LRP8: variants seen among roughly 807,000 people sequenced by gnomAD.
LRP8 encodes LDL receptor related protein 8, also known as low-density lipoprotein receptor-related protein 8.
A neutral mutation model predicts 111.6 loss-of-function variants in LRP8; 46 were observed. That is an observed-to-expected ratio of 0.41 (90% confidence interval 0.33 to 0.53). The LOEUF (loss-of-function observed/expected upper bound fraction) is 0.53, where lower values mean the gene tolerates loss of function less well. LRP8 is among the 20% of genes least tolerant of loss of function. LRP8 has a pLI of 0.20. For missense variants in LRP8, 959 were observed against 1,297.4 expected (o/e 0.74, Z 4.01); for synonymous variants, 464 against 511.2 (o/e 0.91, Z 1.24).
rs149139973 is a variant in LRP8, at chr1:53,325,755, C to T, written c.244+1118G>A. Among the ~76,000 whole-genome samples, 10 of 152,340 alleles carry T rather than the reference C, an allele frequency of 6.6e-5. No homozygotes were observed. The East Asian group carries it at 1.2e-3, about 18-fold the overall frequency. ...TGGGGCTGTGGGCCTGTCCACCTGT[C>T]GCCCTCCTCCCTCAGACCCCGTCAG... On this transcript the variant is annotated intron_variant, in intron 2 of 18. Transcript: ENST00000306052.
In LRP8 at chr1:53,250,416, C is replaced by T. The variant is rs1434768975; in HGVS notation, c.2676+274G>A. ...CACCTACCCCAGCATTTCTGTGTTC[C>T]CCAGGGCCTAGAACAGTGCCTGATA... On this transcript the variant is annotated intron_variant, in intron 17 of 18. Coordinates refer to ENST00000306052, the MANE Select transcript of LRP8 (RefSeq NM_004631.5). The surrounding 1 kb of genome is among the most constrained non-coding windows in gnomAD (Gnocchi z 4.6). 6.6e-6 allele frequency among the ~76,000 whole-genome samples: 1 copy of T among 152,036 alleles called. No homozygotes were observed. The highest frequency in any genetic ancestry group is 6.5e-5 in the Admixed American group (1 of 15,272).
intron 2 of LRP8, among the ~76,000 whole-genome samples, chr1:53,325,199 G>A (rs1010211800): frequency 1.3e-5 from 2 of 152,214 alleles, no homozygotes; most frequent in African/African-American, 4.8e-5. Flanking sequence ...ACTGGGAAAT[G>A]GTCCAGGGTC....
At chr1:53,326,663 G>A (rs3737980) in intron 2 of LRP8, among the ~76,000 whole-genome samples, 4,270 of 152,234 alleles carry the variant, frequency 0.028, 192 homozygotes, top group African/African-American at 0.092. Flanking sequence ...GCCCCACCAG[G>A]ACACGCCAGC....
intron 1 of LRP8, 81 bp downstream of exon 1, chr1:53,327,708 C>T: frequency 7.4e-7 from 1 of 1,355,792 alleles, no homozygotes; most frequent in Non-Finnish European, 9.6e-7. Flanking sequence ...GTTCTGGACC[C>T]CTCCCCGCTC....
At chr1:53,325,877 T>C (rs1399525966) in intron 2 of LRP8, among the ~76,000 whole-genome samples, 1 of 152,140 alleles carries the variant, frequency 6.6e-6, no homozygotes, top group Non-Finnish European at 1.5e-5. Flanking sequence ...ACTGCCCGGG[T>C]CTATGTCTCT....
chr1:53,278,773 T>TTA, intron 4 of LRP8, among the ~76,000 whole-genome samples: 1 of 146,110 alleles, frequency 6.8e-6, no homozygotes, highest in South Asian at 2.2e-4. Context: ...TTTTTTTTTT[T>TTA]AATTTTCTTT....
Position 53,275,771 on chromosome 1 carries a change from G to C in LRP8, c.884-18C>G. ...GCCCAGTGCTGCCAGGAGAGGGCAA[G>C]GGGAGAGGATCAGAGTCAGTGTGGT... On this transcript the variant is annotated intron_variant, in intron 5 of 18. Transcript: ENST00000306052. The surrounding 1 kb of genome is among the most constrained non-coding windows in gnomAD (Gnocchi z 4.4). 5 of 1,613,422 alleles carry C rather than the reference G, an allele frequency of 3.1e-6. No individual in the cohort carries two copies. The highest frequency in any genetic ancestry group is 4.2e-6 in the Non-Finnish European group (5 of 1,179,764).
At chr1:53,301,727 T>G (rs553616755) in intron 2 of LRP8, among the ~76,000 whole-genome samples, 174 of 131,700 alleles carry the variant, frequency 1.3e-3, no homozygotes, top group African/African-American at 4.5e-3. Context: ...GGAAACCCTG[T>G]CTTAAAAAAA....
chr1:53,316,183 C>T (rs1366517466), intron 2 of LRP8, among the ~76,000 whole-genome samples: 2 of 152,200 alleles, frequency 1.3e-5, no homozygotes, highest in Non-Finnish European at 2.9e-5. Flanking sequence ...ATTCAAGGGA[C>T]TTGCCCCGGG....
intron 3 of LRP8, among the ~76,000 whole-genome samples, chr1:53,289,109 C>T (rs1185087332): frequency 6.6e-6 from 1 of 152,218 alleles, no homozygotes; most frequent in Non-Finnish European, 1.5e-5. Flanking sequence ...CTTCAGTGTT[C>T]TCCGTTACAA....
rs1422659500 is a variant in LRP8 at position 53,294,903 on chromosome 1, A to C, written c.245-5214T>G. Among the ~76,000 whole-genome samples the C allele has an allele frequency of 6.6e-6, 1 of 152,166 alleles. No individual in the cohort carries two copies. Among genetic ancestry groups the C allele is most frequent in the Non-Finnish European group, 1.5e-5 (1 of 68,030 alleles). On this transcript the variant is annotated intron_variant, in intron 2 of 18. Transcript: ENST00000306052. The surrounding 1 kb of genome is among the most constrained non-coding windows in gnomAD (Gnocchi z 4.1). ...CCCCGGTGCAGAGAGAAGGCTCCAA[A>C]ATAAAGATTAGTCCGGGCTGCCCAG...
Position 53,303,126 on chromosome 1 carries a change from A to G in LRP8, c.245-13437T>C, listed in dbSNP as rs1215891564. ...ACAAAAGCAGGTAGAGCTCTTGTCA[A>G]TCATGCGGCTTATTTCTTACCACCA... On this transcript the variant is annotated intron_variant, in intron 2 of 18. Transcript: ENST00000306052. The surrounding 1 kb of genome is among the most constrained non-coding windows in gnomAD (Gnocchi z 4.3). Among the ~76,000 whole-genome samples, 1 of 152,162 alleles carries G rather than the reference A, an allele frequency of 6.6e-6. No individual in the cohort carries two copies. Among genetic ancestry groups the G allele is most frequent in the Non-Finnish European group, 1.5e-5 (1 of 68,032 alleles).
chr1:53,262,425 C>T lies in LRP8; in HGVS notation c.1774+21G>A, dbSNP rs367714878. On this transcript the variant is annotated intron_variant, in intron 11 of 18. Coordinates refer to ENST00000306052, the MANE Select transcript of LRP8 (RefSeq NM_004631.5). This position sits in a 1 kb window ranked among gnomAD's most constrained non-coding sequence, Gnocchi z 4.8. ...ACAAGGCACTAGAATAGGCCCCCAACCCAGGAAAGGCAGGGCTCACCCAGG... is the reference window on the plus strand; with the variant it reads ...ACAAGGCACTAGAATAGGCCCCCAATCCAGGAAAGGCAGGGCTCACCCAGG... The T allele has an allele frequency of 2.2e-5, 35 of 1,610,382 alleles. No individual in the cohort carries two copies. Among genetic ancestry groups the T allele is most frequent in the Non-Finnish European group, 2.6e-5 (31 of 1,177,438 alleles).
chr1:53,289,541 C>T (rs1271402919), intron 3 of LRP8, 26 bp downstream of exon 3: 3 of 1,581,200 alleles, frequency 1.9e-6, no homozygotes, highest in South Asian at 1.1e-5. Context: ...GGCCCACCCC[C>T]ACCCAGACTG....
At chr1:53,278,346 G>A (rs532063245) in intron 4 of LRP8, among the ~76,000 whole-genome samples, 20 of 152,354 alleles carry the variant, frequency 1.3e-4, no homozygotes, top group Non-Finnish European at 2.5e-4. Context: ...GGTAGGCCCC[G>A]GTGGGGCACT....
intron 4 of LRP8, among the ~76,000 whole-genome samples, chr1:53,277,748 G>A (rs1045154572): frequency 3.3e-5 from 5 of 152,148 alleles, no homozygotes; most frequent in Admixed American, 1.3e-4. Flanking sequence ...ATGACACCCT[G>A]GCGTTTCCCC....
rs139703435 is a variant in LRP8 at position 53,258,354 on chromosome 1, A to C, written c.2174T>G (p.Met725Arg). ...PKYTCACPDTMWLGPDMKRCY... is the reference protein window; with the variant it reads ...PKYTCACPDTRWLGPDMKRCY... ...CCTCTTCATGTCTGGACCCAGCCAC[A>C]TTGTGTCAGGACAGGCACATGTGTA... is the stretch of plus-strand genomic sequence containing the variant. The change falls in exon 14 of 19, where the codon ATG (methionine) becomes AGG (arginine). Residue 725 changes from methionine to arginine, a missense_variant. Physicochemically the swap from Met to Arg is moderately conservative, Grantham distance 91. This residue lies in a region of LRP8 where 819 missense variants were observed against 1,097.6 expected (regional missense o/e 0.75). Coordinates refer to ENST00000306052, the MANE Select transcript of LRP8 (RefSeq NM_004631.5). 3.5e-4 allele frequency: 562 copies of C among 1,614,140 alleles called. No homozygotes were observed. The highest frequency in any genetic ancestry group is 5.2e-4 in the Admixed American group (31 of 60,032).
intron 2 of LRP8, among the ~76,000 whole-genome samples, chr1:53,302,879 T>A (rs1651239017): frequency 6.6e-6 from 1 of 151,448 alleles, no homozygotes; most frequent in Non-Finnish European, 1.5e-5. Flanking sequence ...TTTGGATTTT[T>A]GTTGTAGAGA....
rs1646129061 is a variant in LRP8 at position 53,257,241 on chromosome 1, G to A, written c.2433C>T (p.His811=). 1 of 1,613,854 alleles carries A rather than the reference G, an allele frequency of 6.2e-7. No homozygotes were observed. The highest frequency in any genetic ancestry group is 8.5e-7 in the Non-Finnish European group (1 of 1,179,994). Reference sequence around the variant, plus strand: ...AGAATGCAGAACTCATTTCCTTACAGTGCTGGGAGTGGTTGCTGGTTGCAG... The same window carrying A: ...AGAATGCAGAACTCATTTCCTTACAATGCTGGGAGTGGTTGCTGGTTGCAG... The part of the protein sequence containing the change: ...LSPATSNHSQ[H]YANEDSKMGS... Residue 811 remains histidine (H), a splice_region_variant and synonymous_variant, in exon 15 of 19, where the codon CAC becomes CAT. Transcript: ENST00000306052.
Sources: gnomAD v4.1 joint callset for allele counts (sites outside exome capture counted in the v4.1 genomes callset) on GRCh38, gnomAD v4.1.1 for gene constraint, gnomAD v4.1.1 regional missense constraint, Gnocchi (gnomAD v3.1) non-coding constraint, MANE v1.5 for transcripts, NCBI Gene and HGNC (gene_info 2026-07-23, HGNC 2026-07-21) for gene names.